Variants in EYA4 observed in about 807,000 individuals in gnomAD.
EYA4 encodes the protein protein phosphatase EYA4.
Under a neutral mutation model 87.9 loss-of-function variants are expected in EYA4, and 31 were observed. The ratio of observed to expected loss-of-function variants is 0.35; its 90% CI spans 0.27 to 0.48. The LOEUF is 0.48. Among genes scored for constraint, EYA4 ranks in the 20% least tolerant of loss-of-function variants. The pLI is 0.99. For missense variants in EYA4, 678 were observed against 761.4 expected (o/e 0.89, Z 1.29); for synonymous variants, 263 against 270.6 (o/e 0.97, Z 0.28).
At chr6:133,423,712 A>G (rs1482599815) in intron 3 of EYA4, among the ~76,000 whole-genome samples, 5 of 152,236 alleles carry the variant, frequency 3.3e-5, no homozygotes, top group South Asian at 2.1e-4. Context: ...TGACATATGT[A>G]TGTGCCAATG....
chr6:133,509,968 A>C (rs1279095507), intron 14 of EYA4, among the ~76,000 whole-genome samples: 2 of 152,202 alleles, frequency 1.3e-5, no homozygotes, highest in South Asian at 4.1e-4. Flanking sequence ...ACTGGACCGT[A>C]ATCCTCAGGC....
intron 3 of EYA4, among the ~76,000 whole-genome samples, chr6:133,403,218 T>G (rs1260577902): frequency 6.6e-6 from 1 of 152,216 alleles, no homozygotes; most frequent in East Asian, 1.9e-4. Flanking sequence ...TGTGATTTTA[T>G]TGCACCTGAA....
chr6:133,456,424 A>C (rs1359651868), intron 5 of EYA4, 132 bp from the exon 6 acceptor site: 7 of 745,180 alleles, frequency 9.4e-6, no homozygotes, highest in Non-Finnish European at 1.7e-5. Flanking sequence ...CTAAATTAAC[A>C]AACTCTCTTC....
At chr6:133,282,318 T>A (rs1324152458) in intron 2 of EYA4, among the ~76,000 whole-genome samples, 1 of 152,256 alleles carries the variant, frequency 6.6e-6, no homozygotes, top group Non-Finnish European at 1.5e-5. Context: ...ATTGTGGTTC[T>A]GATTTGCACT....
chr6:133,306,131 A>G (rs62430317), intron 2 of EYA4, among the ~76,000 whole-genome samples: 17,809 of 152,220 alleles, frequency 0.12, 1,301 homozygotes, highest in Non-Finnish European at 0.16. Flanking sequence ...TCCGATGTAG[A>G]CAATGCATTC....
intron 6 of EYA4, 145 bp from the exon 7 acceptor site, chr6:133,460,969 T>C (rs1357036635): frequency 2.3e-5 from 16 of 702,436 alleles, no homozygotes; most frequent in Non-Finnish European, 3.1e-5. Context: ...TAGGAGAAAG[T>C]GTTTAGGCAG....
At chr6:133,274,106 A>T (rs1776967077) in intron 1 of EYA4, among the ~76,000 whole-genome samples, 2 of 152,134 alleles carry the variant, frequency 1.3e-5, no homozygotes, top group African/African-American at 4.8e-5. Flanking sequence ...TATGGAGTAA[A>T]GATATTTTTT....
intron 2 of EYA4, among the ~76,000 whole-genome samples, chr6:133,291,314 G>T (rs1251212459): frequency 6.6e-6 from 1 of 152,090 alleles, no homozygotes; most frequent in African/African-American, 2.4e-5. Context: ...CAAATTCCTA[G>T]GGATATCTTT....
At chr6:133,294,468 C>T (rs369895904) in intron 2 of EYA4, among the ~76,000 whole-genome samples, 2 of 147,388 alleles carry the variant, frequency 1.4e-5, no homozygotes, top group Admixed American at 6.9e-5. Context: ...TTCAGGTGGT[C>T]GTCCCGCCTC....
Position 133,481,560 on chromosome 6 carries a change from G to A in EYA4, c.1068G>A (p.Arg356=), listed in dbSNP as rs1462199205. Residue 356 remains arginine (R), a synonymous_variant, in exon 12 of 20, where the codon CGG becomes CGA. Transcript: ENST00000355286. ...SSGSKSRGRG[R]KNNPSPPPDS... ...GGTCAAAGTCCAGAGGAAGAGGCCG[G>A]AAAAATAATCCCTCCCCGCCTCCTG... is the stretch of plus-strand genomic sequence containing the variant. The A allele has an allele frequency of 6.2e-7, 1 of 1,613,896 alleles. No homozygotes were observed. The highest frequency in any genetic ancestry group is 8.5e-7 in the Non-Finnish European group (1 of 1,179,958).
intron 12 of EYA4, 107 bp downstream of exon 12, chr6:133,481,706 T>G (rs915538705): frequency 7.8e-7 from 1 of 1,286,610 alleles, no homozygotes; most frequent in Admixed American, 1.8e-5. Flanking sequence ...AATCAAGATA[T>G]ATCATGAATT....
intron 3 of EYA4, among the ~76,000 whole-genome samples, chr6:133,382,680 A>G (rs1425948977): frequency 6.6e-6 from 1 of 151,656 alleles, no homozygotes; most frequent in African/African-American, 2.4e-5. Context: ...GAAATACGTG[A>G]AAAAAAATCC....
chr6:133,353,587 T>C (rs1041356814), intron 2 of EYA4, among the ~76,000 whole-genome samples: 11 of 152,160 alleles, frequency 7.2e-5, no homozygotes, highest in African/African-American at 2.2e-4. Context: ...AAAACTCCAG[T>C]TGAGATAAAC....
chr6:133,257,885 T>C (rs907056630), intron 1 of EYA4, among the ~76,000 whole-genome samples: 1 of 147,780 alleles, frequency 6.8e-6, no homozygotes, highest in African/African-American at 2.4e-5. Context: ...TTATGCACTA[T>C]TGACTATTTA....
At chr6:133,469,923 T>G (rs1434239164) in intron 11 of EYA4, among the ~76,000 whole-genome samples, 1 of 152,078 alleles carries the variant, frequency 6.6e-6, no homozygotes, top group Non-Finnish European at 1.5e-5. Flanking sequence ...CTTCGCCCAC[T>G]TTTTGATGGG....
intron 3 of EYA4, among the ~76,000 whole-genome samples, chr6:133,418,357 A>G (rs983945370): frequency 6.6e-6 from 1 of 152,168 alleles, no homozygotes; most frequent in East Asian, 1.9e-4. Context: ...TTTGTTAGGC[A>G]TAGGCTAGAC....
chr6:133,440,387 C>G (rs1792154528), intron 3 of EYA4, among the ~76,000 whole-genome samples: 1 of 152,090 alleles, frequency 6.6e-6, no homozygotes, highest in Non-Finnish European at 1.5e-5. Context: ...AAGGGCACTT[C>G]AGGAGTTAAC....
chr6:133,520,261 T>G (rs1799996718), intron 17 of EYA4, among the ~76,000 whole-genome samples: 1 of 147,584 alleles, frequency 6.8e-6, no homozygotes, highest in South Asian at 2.2e-4. Context: ...AAAATCTCCT[T>G]AAGCTGATAA....
intron 13 of EYA4, among the ~76,000 whole-genome samples, chr6:133,486,064 T>C (rs966842868): frequency 6.6e-6 from 1 of 152,244 alleles, no homozygotes; most frequent in Non-Finnish European, 1.5e-5. Context: ...ATCTGTTAGA[T>C]TGACCACACT....
Sources: allele counts gnomAD v4.1 joint callset (sites outside exome capture counted in the v4.1 genomes callset), GRCh38; gene constraint gnomAD v4.1.1; transcripts MANE v1.5; gene names NCBI Gene and HGNC (gene_info 2026-07-23, HGNC 2026-07-21).